The following NIM1K variants were observed in gnomAD, a reference collection of about 807,000 sequenced individuals.
The protein encoded by NIM1K is NIM1 serine/threonine protein kinase.
In NIM1K, 35 loss-of-function variants were observed where a neutral mutation model predicts 37.1. That is an observed-to-expected ratio of 0.94 (90% CI 0.72 to 1.25). The LOEUF (loss-of-function observed/expected upper bound fraction) is 1.25, where lower values mean the gene tolerates loss of function less well. Ranked by LOEUF, NIM1K falls within the 50% of genes most tolerant of loss-of-function variation. NIM1K has a pLI of 0.00. For missense variants in NIM1K, 564 were observed against 548.0 expected (o/e 1.03, Z -0.29); for synonymous variants, 234 against 206.6 (o/e 1.13, Z -1.14).
chr5:43,240,802 G>T (rs1363429031), intron 1 of NIM1K, among the ~76,000 whole-genome samples: 3 of 151,872 alleles, frequency 2.0e-5, no homozygotes, highest in African/African-American at 7.3e-5. Flanking sequence ...CTCCCAAAGT[G>T]CTGGTATTAC....
intron 1 of NIM1K, among the ~76,000 whole-genome samples, chr5:43,209,997 A>C (rs2112215287): frequency 6.6e-6 from 1 of 152,340 alleles, no homozygotes; most frequent in South Asian, 2.1e-4. Context: ...CCAGAATCTG[A>C]AATGAGTAAG....
chr5:43,195,760 C>A (rs950409337), intron 1 of NIM1K, among the ~76,000 whole-genome samples: 5 of 151,412 alleles, frequency 3.3e-5, no homozygotes, highest in African/African-American at 1.2e-4. Flanking sequence ...TGAGCATTAG[C>A]CAAGACTTAA....
intron 1 of NIM1K, among the ~76,000 whole-genome samples, chr5:43,198,195 CTTTCTTTCTTTCTCTT>C (rs1244402526): frequency 3.9e-3 from 207 of 53,464 alleles, no homozygotes; most frequent in African/African-American, 6.8e-3. Context: ...TTCTTTCTTT[CTTTCTTTCTTTCTCTT>C]TCTTTCTTTC....
At chr5:43,244,038 A>G (rs1752742372) in intron 1 of NIM1K, among the ~76,000 whole-genome samples, 1 of 152,210 alleles carries the variant, frequency 6.6e-6, no homozygotes, top group Non-Finnish European at 1.5e-5. Flanking sequence ...TAGGAGCAGT[A>G]CTGGGCATCA....
At chr5:43,217,800 C>T (rs565192146) in intron 1 of NIM1K, among the ~76,000 whole-genome samples, 8 of 149,364 alleles carry the variant, frequency 5.4e-5, no homozygotes, top group African/African-American at 1.2e-4. Flanking sequence ...CTGCAACCTC[C>T]GCCTGAGTTC....
chr5:43,252,988 T>TA (rs1356128502), intron 2 of NIM1K, among the ~76,000 whole-genome samples: 4 of 149,666 alleles, frequency 2.7e-5, no homozygotes, highest in East Asian at 3.9e-4. Context: ...TTTTTTTTTT[T>TA]ATCTTTTGAG....
intron 1 of NIM1K, among the ~76,000 whole-genome samples, chr5:43,195,661 CA>C (rs10556161): frequency 0.63 from 70,190 of 111,758 alleles, 21,015 homozygotes; most frequent in East Asian, 0.66. Flanking sequence ...ACTCTGAATC[CA>C]AAAAAAAAAA....
chr5:43,246,284 CTG>C (rs1159863766), intron 2 of NIM1K, among the ~76,000 whole-genome samples: 2 of 152,192 alleles, frequency 1.3e-5, no homozygotes, highest in Admixed American at 6.5e-5. Context: ...GATAAAGAAA[CTG>C]AGATCCAAAG....
rs981960485 is a variant in NIM1K at position 43,232,895 on chromosome 5, T to C, written c.-694-12187T>C. 4 of 1,138,590 alleles carry C rather than the reference T, an allele frequency of 3.5e-6. No individual in the cohort carries two copies. The East Asian group carries it at 7.0e-5, about 20-fold the overall frequency. The allele number at this position is 1,138,590 out of a possible 1,614,324, so 70.5% of individuals were successfully genotyped here. ...CTGGAAGCATCTTCCTTGCCTGTGA[T>C]GAGCTGCTCAGGGTGGAAGAGCTGG... On this transcript the variant is annotated intron_variant, in intron 1 of 3. Coordinates refer to ENST00000326035, the MANE Select transcript of NIM1K (RefSeq NM_153361.4).
chr5:43,276,903 G>A (rs1753349775), intron 2 of NIM1K, among the ~76,000 whole-genome samples, 154 bp from the exon 3 acceptor site: 1 of 152,198 alleles, frequency 6.6e-6, no homozygotes, highest in African/African-American at 2.4e-5. Flanking sequence ...CTGATGCTGG[G>A]CTTAAGCATT....
intron 2 of NIM1K, among the ~76,000 whole-genome samples, chr5:43,253,915 C>T (rs1454971397): frequency 6.6e-6 from 1 of 152,168 alleles, no homozygotes; most frequent in Non-Finnish European, 1.5e-5. Context: ...CCCGCCTCAG[C>T]CTCCCAAAGT....
chr5:43,198,303 ACTTC>A (rs1056225671), intron 1 of NIM1K, among the ~76,000 whole-genome samples: 2 of 97,042 alleles, frequency 2.1e-5, no homozygotes, highest in Non-Finnish European at 4.2e-5. Context: ...TTCCTTCCTT[ACTTC>A]CTTCCTCCCT....
chr5:43,228,240 G>A (rs1752488047), intron 1 of NIM1K, among the ~76,000 whole-genome samples: 1 of 151,576 alleles, frequency 6.6e-6, no homozygotes, highest in African/African-American at 2.4e-5. Context: ...TCTGCCTCCT[G>A]GGTTCACGCC....
At chr5:43,232,537 A>G (rs1217275541) in intron 1 of NIM1K, 2 of 1,577,100 alleles carry the variant, frequency 1.3e-6, no homozygotes, top group African/African-American at 2.7e-5. Flanking sequence ...TCTATGCCAG[A>G]TATCATAAGT....
intron 2 of NIM1K, among the ~76,000 whole-genome samples, chr5:43,247,067 A>C (rs1752787846): frequency 2.0e-5 from 3 of 151,144 alleles, no homozygotes; most frequent in African/African-American, 4.9e-5. Flanking sequence ...TTCTTCTCCA[A>C]CCCCCAATCC....
At chr5:43,269,376 C>T (rs1393181239) in intron 2 of NIM1K, among the ~76,000 whole-genome samples, 1 of 139,060 alleles carries the variant, frequency 7.2e-6, no homozygotes, top group Non-Finnish European at 1.5e-5. Context: ...ATACACAGAA[C>T]ATCTTTTCCC....
chr5:43,207,264 A>C, intron 1 of NIM1K: 1 of 758,746 alleles, frequency 1.3e-6, no homozygotes. Context: ...ACTGGCAAAG[A>C]TGTACTCATT....
intron 1 of NIM1K, among the ~76,000 whole-genome samples, chr5:43,227,020 G>A (rs1752467169): frequency 6.6e-6 from 1 of 152,168 alleles, no homozygotes; most frequent in African/African-American, 2.4e-5. Context: ...TCCATTTGGG[G>A]CACAGATAAT....
At chr5:43,233,251 G>T in intron 1 of NIM1K, 1 of 630,898 alleles carries the variant, frequency 1.6e-6, no homozygotes, top group Non-Finnish European at 2.7e-6. Flanking sequence ...ACTCTTAGGT[G>T]ATTGATATAA....
Sources: allele counts gnomAD v4.1 joint callset (sites outside exome capture counted in the v4.1 genomes callset), GRCh38; gene constraint gnomAD v4.1.1; transcripts MANE v1.5; gene names NCBI Gene and HGNC (gene_info 2026-07-23, HGNC 2026-07-21).